PDE8B: variants seen among roughly 807,000 people sequenced by gnomAD.
The protein encoded by PDE8B is phosphodiesterase 8B.
In PDE8B, 26 loss-of-function variants were observed where a neutral mutation model predicts 101.3. That is an observed-to-expected ratio of 0.26 (90% CI 0.19 to 0.36). PDE8B has a LOEUF of 0.36. PDE8B is among the 10% of genes least tolerant of loss of function. PDE8B has a pLI of 1.00. For synonymous variants in PDE8B, 424 were observed against 429.3 expected (o/e 0.99, Z 0.15); for missense variants, 810 against 1,163.1 (o/e 0.70, Z 4.42).
chr5:77,316,818 G>A (rs1180635894), intron 2 of PDE8B, among the ~76,000 whole-genome samples: 1 of 152,116 alleles, frequency 6.6e-6, no homozygotes, highest in Non-Finnish European at 1.5e-5. Context: ...TGCAAGACCT[G>A]GAACATTACC....
chr5:77,098,976 G>A, the PDE8B span, among the ~76,000 whole-genome samples: 1 of 152,338 alleles, frequency 6.6e-6, no homozygotes, highest in African/African-American at 2.4e-5. Context: ...TGTCAACACT[G>A]TTGCACTGGG....
chr5:77,391,068 C>T (rs1378779341), intron 10 of PDE8B, among the ~76,000 whole-genome samples: 1 of 152,138 alleles, frequency 6.6e-6, no homozygotes, highest in African/African-American at 2.4e-5. Context: ...AACCACAGAC[C>T]CACTCATTCT....
At position 77,210,684 on chromosome 5, in the gene PDE8B, A is replaced by G; in HGVS notation, c.-242A>G. The G allele has an allele frequency of 4.1e-6, 4 of 979,384 alleles. No individual in the cohort carries two copies. Among genetic ancestry groups the G allele is most frequent in the Non-Finnish European group, 4.8e-6 (4 of 827,304 alleles). 60.7% of individuals were successfully genotyped at this position (979,384 alleles called of 1,614,324 possible). A position where few individuals can be genotyped will look rare whatever the true frequency, so the allele number is the denominator to read the frequency against. ...CGCTGGTGCGCGCGGGGCGCTGTGTATGCGCGCTCCCCCGCTCGGGGAGGA... is the reference window on the plus strand; with the variant it reads ...CGCTGGTGCGCGCGGGGCGCTGTGTGTGCGCGCTCCCCCGCTCGGGGAGGA... On this transcript the variant is annotated 5_prime_UTR_variant, in exon 1 of 22. An upstream start codon of the reference 5' UTR is lost. Transcript: ENST00000264917. This position sits in a 1 kb window ranked among gnomAD's most constrained non-coding sequence, Gnocchi z 4.9.
At chr5:77,424,885 G>A (rs1487191318) in intron 20 of PDE8B, among the ~76,000 whole-genome samples, 1 of 151,088 alleles carries the variant, frequency 6.6e-6, no homozygotes, top group Non-Finnish European at 1.5e-5. Context: ...GAGTGCAGTG[G>A]CAGTCCTGGC....
chr5:77,351,262 G>T (rs1198396304), intron 9 of PDE8B, 109 bp downstream of exon 9: 5 of 841,972 alleles, frequency 5.9e-6, no homozygotes, highest in Non-Finnish European at 4.0e-6. Context: ...ATGCAGTAGG[G>T]TTGTGCTGAA....
the PDE8B span, among the ~76,000 whole-genome samples, chr5:77,178,892 G>A: frequency 6.6e-6 from 1 of 152,212 alleles, no homozygotes; most frequent in Non-Finnish European, 1.5e-5. Flanking sequence ...TGCCGGGTGG[G>A]CCTCCCCAGT....
At chr5:77,392,467 G>C (rs899259003) in intron 10 of PDE8B, among the ~76,000 whole-genome samples, 1 of 152,152 alleles carries the variant, frequency 6.6e-6, no homozygotes, top group Admixed American at 6.5e-5. Flanking sequence ...ATACAGAAAG[G>C]GTGATTCAGA....
chr5:77,190,777 C>T, the PDE8B span, among the ~76,000 whole-genome samples: 1 of 152,352 alleles, frequency 6.6e-6, no homozygotes, highest in East Asian at 1.9e-4. Flanking sequence ...AGAATTAAAA[C>T]AACCTCTGTC....
chr5:77,379,885 C>A (rs1285822832), intron 10 of PDE8B, among the ~76,000 whole-genome samples: 4 of 152,208 alleles, frequency 2.6e-5, no homozygotes, highest in Non-Finnish European at 5.9e-5. Flanking sequence ...AAGGGAGGGT[C>A]TCAAATGACT....
intron 10 of PDE8B, among the ~76,000 whole-genome samples, chr5:77,396,657 A>C (rs1470634812): frequency 6.6e-6 from 1 of 152,154 alleles, no homozygotes; most frequent in East Asian, 1.9e-4. Flanking sequence ...TTTTATCTGT[A>C]TCATTTTTCA....
At chr5:77,144,404 A>G in the PDE8B span, 1 of 152,218 alleles carries the variant, frequency 6.6e-6, no homozygotes, top group East Asian at 1.9e-4. Context: ...CAGGTGGAAG[A>G]GCAGTGAAAA....
At chr5:77,409,606 G>A (rs1211969882) in intron 14 of PDE8B, among the ~76,000 whole-genome samples, 1 of 152,114 alleles carries the variant, frequency 6.6e-6, no homozygotes, top group Non-Finnish European at 1.5e-5. Flanking sequence ...ATTCCAAAAA[G>A]AACCATTTAC....
At chr5:77,402,629 CG>C (rs1266834465) in intron 11 of PDE8B, among the ~76,000 whole-genome samples, 28 of 152,252 alleles carry the variant, frequency 1.8e-4, no homozygotes, top group African/African-American at 6.7e-4. Flanking sequence ...TGCAAATGAA[CG>C]GATGTAATTA....
At chr5:77,222,565 C>G (rs889024602) in intron 1 of PDE8B, among the ~76,000 whole-genome samples, 2 of 152,146 alleles carry the variant, frequency 1.3e-5, no homozygotes, top group African/African-American at 4.8e-5. Context: ...GCCTGGGTGA[C>G]AGAGTGGAGA....
chr5:77,220,616 T>C (rs1252894883), intron 1 of PDE8B, among the ~76,000 whole-genome samples: 9 of 152,250 alleles, frequency 5.9e-5, no homozygotes. Context: ...TTTAGGTTTC[T>C]AGGTTAGCAC....
At chr5:77,178,032 C>T in the PDE8B span, among the ~76,000 whole-genome samples, 1 of 152,136 alleles carries the variant, frequency 6.6e-6, no homozygotes, top group Non-Finnish European at 1.5e-5. Context: ...AATTTTTATG[C>T]AATATCTCAG....
intron 1 of PDE8B, among the ~76,000 whole-genome samples, chr5:77,241,042 T>G (rs1295026049): frequency 6.6e-6 from 1 of 152,216 alleles, no homozygotes; most frequent in Non-Finnish European, 1.5e-5. Context: ...GTGAGACAGT[T>G]GCAAACAGGA....
intron 1 of PDE8B, among the ~76,000 whole-genome samples, chr5:77,226,285 A>G (rs1752377861): frequency 6.6e-6 from 1 of 152,216 alleles, no homozygotes; most frequent in African/African-American, 2.4e-5. Context: ...TTAAAATGTT[A>G]TGCATTTCAT....
chr5:77,096,105 T>A, the PDE8B span, among the ~76,000 whole-genome samples: 1 of 152,106 alleles, frequency 6.6e-6, no homozygotes, highest in East Asian at 1.9e-4. Context: ...TTCTCCCACC[T>A]CAGACTCCCC....
Sources: gnomAD v4.1 joint callset for allele counts (sites outside exome capture counted in the v4.1 genomes callset) on GRCh38, gnomAD v4.1.1 for gene constraint, Gnocchi (gnomAD v3.1) non-coding constraint, MANE v1.5 for transcripts, NCBI Gene and HGNC (gene_info 2026-07-23, HGNC 2026-07-21) for gene names.